HDLBP: variants seen among roughly 807,000 people sequenced by gnomAD.
HDLBP encodes vigilin.
In HDLBP, 30 loss-of-function variants were observed where a neutral mutation model predicts 137.3. The ratio of observed to expected loss-of-function variants is 0.22; its 90% CI spans 0.16 to 0.30. HDLBP has a LOEUF of 0.30. Ranked by LOEUF, HDLBP falls within the 10% of genes least tolerant of loss-of-function variation. The pLI is 1.00. For missense variants in HDLBP, 1,119 were observed against 1,667.3 expected (o/e 0.67, Z 5.73); for synonymous variants, 606 against 596.0 (o/e 1.02, Z -0.24).
chr2:241,235,554 T>C lies in HDLBP; in HGVS notation c.2945A>G (p.Asp982Gly), dbSNP rs751269194. The change falls in exon 22 of 28, where the codon GAC becomes GGC. Residue 982 changes from aspartate to glycine, a missense_variant. By Grantham distance (94) the Asp-to-Gly change is moderately conservative. Transcript: ENST00000310931. ...PVTIEVEVPF[D>G]LHRYVIGQKG... ...CTGCCCAATAACGTAACGGTGAAGGTCAAAGGGCACCTCTACTTCAATGGT... is the reference window on the plus strand; with the variant it reads ...CTGCCCAATAACGTAACGGTGAAGGCCAAAGGGCACCTCTACTTCAATGGT... The C allele has an allele frequency of 8.1e-6, 13 of 1,613,958 alleles. No individual in the cohort carries two copies. The highest frequency in any genetic ancestry group is 9.3e-6 in the Non-Finnish European group (11 of 1,179,950).
In HDLBP at chr2:241,229,093, CCT is replaced by C. The variant is rs912258742; in HGVS notation, c.*506_*507del. ...GTCCATTGCCAGGTCTTCCTTGCAC[CCT>C]GACACCTGTGCTGAGGCGCTCTGGC... On this transcript the variant is annotated 3_prime_UTR_variant, in exon 28 of 28. Coordinates refer to ENST00000310931, the MANE Select transcript of HDLBP (RefSeq NM_005336.6). 8 of 159,906 alleles carry C rather than the reference CCT, an allele frequency of 5.0e-5. No homozygotes were observed. The highest frequency in any genetic ancestry group is 1.9e-4 in the African/African-American group (8 of 41,436). 9.9% of individuals were successfully genotyped at this position (159,906 alleles called of 1,614,324 possible). A position where few individuals can be genotyped will look rare whatever the true frequency, so the allele number is the denominator to read the frequency against.
At chr2:241,288,047 T>C (rs1043882820) in intron 1 of HDLBP, among the ~76,000 whole-genome samples, 1 of 152,218 alleles carries the variant, frequency 6.6e-6, no homozygotes, top group Admixed American at 6.5e-5. Flanking sequence ...GTGAGAGTTA[T>C]CAGCAGAAGG....
Position 241,244,266 on chromosome 2 carries a change from C to CA in HDLBP, c.1951-1589dup, listed in dbSNP as rs547885559. On this transcript the variant is annotated intron_variant, in intron 16 of 27. Coordinates refer to ENST00000310931, the MANE Select transcript of HDLBP (RefSeq NM_005336.6). ...GTCACCAGAGTCCCTGACGGGGAGACAGCAAGGGGCTAACACAACAAAATG... is the reference window on the plus strand; with the variant it reads ...GTCACCAGAGTCCCTGACGGGGAGACAAGCAAGGGGCTAACACAACAAAATG... 2.7e-3 allele frequency among the ~76,000 whole-genome samples: 409 copies of CA among 152,260 alleles called. 2 individuals carry two copies. Among genetic ancestry groups the CA allele is most frequent in the African/African-American group, 9.5e-3 (393 of 41,544 alleles).
chr2:241,314,953 G>A (rs1333240395), intron 1 of HDLBP: 1 of 152,168 alleles, frequency 6.6e-6, no homozygotes, highest in Non-Finnish European at 1.5e-5. Context: ...CCACGCGGGA[G>A]GGAGGAAAGG....
At chr2:241,311,780 C>A (rs536049794) in intron 1 of HDLBP, among the ~76,000 whole-genome samples, 1 of 152,274 alleles carries the variant, frequency 6.6e-6, no homozygotes, top group South Asian at 2.1e-4. Context: ...CTGTAAATGG[C>A]AATATGTAGT....
chr2:241,272,576 C>T lies in HDLBP; in HGVS notation c.-102-4035G>A. The T allele has an allele frequency of 4.1e-6, 4 of 984,392 alleles. No individual in the cohort carries two copies. The highest frequency in any genetic ancestry group is 4.8e-6 in the Non-Finnish European group (4 of 829,542). 61.0% of individuals were successfully genotyped at this position (984,392 alleles called of 1,614,324 possible). A position where few individuals can be genotyped will look rare whatever the true frequency, so the allele number is the denominator to read the frequency against. On this transcript the variant is annotated intron_variant, in intron 1 of 27. Transcript: ENST00000310931. The surrounding 1 kb of genome is among the most constrained non-coding windows in gnomAD (Gnocchi z 5.6). ...CCAGGTCTGGCCCGGAACCGCCACGCGCGGTAAGCAGGACACCCGCGGGCG... is the reference window on the plus strand; with the variant it reads ...CCAGGTCTGGCCCGGAACCGCCACGTGCGGTAAGCAGGACACCCGCGGGCG...
intron 1 of HDLBP, among the ~76,000 whole-genome samples, chr2:241,295,538 G>A (rs2075146036): frequency 6.6e-6 from 1 of 152,168 alleles, no homozygotes; most frequent in Admixed American, 6.5e-5. Context: ...TTAGCCAGGA[G>A]ATTCATCACA....
intron 2 of HDLBP, 87 bp from the exon 3 acceptor site, chr2:241,266,993 T>TAAAAA (rs2073721218): frequency 1.0e-6 from 1 of 984,508 alleles, no homozygotes; most frequent in Non-Finnish European, 1.6e-6. Flanking sequence ...AGCAAAGTTT[T>TAAAAA]ACTCTCTTTT....
rs113646248 is a variant in HDLBP, at chr2:241,257,526, T to C, written c.451-720A>G. Among the ~76,000 whole-genome samples the C allele has an allele frequency of 6.9e-3, 1,048 of 152,122 alleles. 11 individuals carry two copies. The highest frequency in any genetic ancestry group is 0.024 in the African/African-American group (976 of 41,486). On this transcript the variant is annotated intron_variant, in intron 5 of 27. Transcript: ENST00000310931. ...GATTGCAGGTGTGAGCCACTGCGCC[T>C]GGCCAAAAGATGTGTTTCTAATAGA...
At chr2:241,270,286 G>A (rs1385843501) in intron 1 of HDLBP, among the ~76,000 whole-genome samples, 1 of 152,150 alleles carries the variant, frequency 6.6e-6, no homozygotes, top group Non-Finnish European at 1.5e-5. Flanking sequence ...CAGACCCTCA[G>A]GCAGCCAGGT....
chr2:241,260,455 T>A (rs985902590), intron 5 of HDLBP, among the ~76,000 whole-genome samples: 3 of 152,140 alleles, frequency 2.0e-5, no homozygotes, highest in Non-Finnish European at 4.4e-5. Flanking sequence ...GAGTCACTGA[T>A]CAACACTGAA....
chr2:241,251,552 C>T (rs1332108177), intron 11 of HDLBP, among the ~76,000 whole-genome samples: 1 of 152,250 alleles, frequency 6.6e-6, no homozygotes, highest in Non-Finnish European at 1.5e-5. Context: ...ATCCACTGAA[C>T]TATCCAGGAA....
rs561084493 is a variant in HDLBP, at chr2:241,232,769, G to A, written c.3288+1051C>T. Among the ~76,000 whole-genome samples the A allele has an allele frequency of 7.3e-4, 111 of 152,114 alleles. 1 individual carries two copies. The highest frequency in any genetic ancestry group is 1.9e-3 in the African/African-American group (79 of 41,480). ...GCAGAGGTTACAGTGAGCCGAGATC[G>A]CGCCACTGCACTCCACCTGGGGCAA... On this transcript the variant is annotated intron_variant, in intron 24 of 27. Transcript: ENST00000310931.
Position 241,238,142 on chromosome 2 carries a change from C to G in HDLBP, c.2749+507G>C, listed in dbSNP as rs557858725. The stretch of plus-strand genomic sequence containing the variant: ...GACCCGCATCCCACAGGTCGCCTCC[C>G]CACCACCAGGTGCATGAGCAGAGCT... On this transcript the variant is annotated intron_variant, in intron 20 of 27. Coordinates refer to ENST00000310931, the MANE Select transcript of HDLBP (RefSeq NM_005336.6). The surrounding 1 kb of genome is among the most constrained non-coding windows in gnomAD (Gnocchi z 4.9). 9.2e-5 allele frequency among the ~76,000 whole-genome samples: 14 copies of G among 152,336 alleles called. No individual in the cohort carries two copies. The highest frequency in any genetic ancestry group is 3.1e-4 in the African/African-American group (13 of 41,582).
intron 1 of HDLBP, among the ~76,000 whole-genome samples, chr2:241,306,204 C>T (rs1010150446): frequency 1.3e-5 from 2 of 151,654 alleles, no homozygotes; most frequent in Non-Finnish European, 2.9e-5. Flanking sequence ...CTGAGTTACC[C>T]AGGTTCTGAG....
intron 1 of HDLBP, among the ~76,000 whole-genome samples, chr2:241,286,367 C>T (rs959547934): frequency 6.6e-6 from 1 of 152,210 alleles, no homozygotes; most frequent in Non-Finnish European, 1.5e-5. Flanking sequence ...GCTTCCCATT[C>T]TCTTCAAAGT....
In HDLBP at chr2:241,272,699, G is replaced by A. The variant is rs1408251173; in HGVS notation, c.-102-4158C>T. On this transcript the variant is annotated intron_variant, in intron 1 of 27. Transcript: ENST00000310931. The surrounding 1 kb of genome is among the most constrained non-coding windows in gnomAD (Gnocchi z 5.6). ...CAGCCACCCCCCACCCCCCCGCCCG[G>A]CAGCCCGCCCGCCCCGTCCGCCCGC... 1.4e-5 allele frequency: 8 copies of A among 569,546 alleles called. No individual in the cohort carries two copies. The highest frequency in any genetic ancestry group is 1.6e-5 in the Non-Finnish European group (8 of 505,298). 35.3% of individuals were successfully genotyped at this position (569,546 alleles called of 1,614,324 possible).
At position 241,229,331 on chromosome 2, in the gene HDLBP, T is replaced by G. The variant is rs1322693693; in HGVS notation, c.*270A>C. On this transcript the variant is annotated 3_prime_UTR_variant, in exon 28 of 28. Coordinates refer to ENST00000310931, the MANE Select transcript of HDLBP (RefSeq NM_005336.6). ...CCAGAGTGCTGACTGACATGCCGGG[T>G]GGACCAGGAGCTGGAGTCTGTTATC... 5 of 374,112 alleles carry G rather than the reference T, an allele frequency of 1.3e-5. No individual in the cohort carries two copies. In the East Asian group the frequency reaches 3.2e-4, roughly 24 times the overall value. The allele number at this position is 374,112 out of a possible 1,614,324, so 23.2% of individuals were successfully genotyped here. A position where few individuals can be genotyped will look rare whatever the true frequency, so the allele number is the denominator to read the frequency against.
chr2:241,282,160 G>T (rs1315984933), intron 1 of HDLBP, among the ~76,000 whole-genome samples: 1 of 152,194 alleles, frequency 6.6e-6, no homozygotes, highest in Non-Finnish European at 1.5e-5. Context: ...AGCACGTTAC[G>T]TTTACAGTAT....
Sources: gnomAD v4.1 joint callset for allele counts (sites outside exome capture counted in the v4.1 genomes callset) on GRCh38, gnomAD v4.1.1 for gene constraint, Gnocchi (gnomAD v3.1) non-coding constraint, MANE v1.5 for transcripts, NCBI Gene and HGNC (gene_info 2026-07-23, HGNC 2026-07-21) for gene names.